AKT3: variants seen among roughly 807,000 people sequenced by gnomAD.
AKT3 encodes the protein AKT serine/threonine kinase 3.
AKT3 carries 15 observed loss-of-function variants against 65.3 expected under a neutral mutation model. The observed-to-expected ratio is 0.23, with a 90% confidence interval of 0.15 to 0.35. The LOEUF (loss-of-function observed/expected upper bound fraction) is 0.35. Among genes scored for constraint, AKT3 ranks in the 10% least tolerant of loss-of-function variants. The pLI, the probability that AKT3 is intolerant of heterozygous loss-of-function variation, is 1.00. For synonymous variants in AKT3, 206 were observed against 183.8 expected (o/e 1.12, Z -0.98); for missense variants, 243 against 576.5 (o/e 0.42, Z 5.92).
chr1:243,831,907 G>C (rs772585820), intron 2 of AKT3, among the ~76,000 whole-genome samples: 3 of 151,432 alleles, frequency 2.0e-5, no homozygotes, highest in Admixed American at 6.6e-5. Flanking sequence ...CAGCAAAAAA[G>C]AAATCTCAGG....
At chr1:243,713,660 C>T (rs943135462) in intron 2 of AKT3, among the ~76,000 whole-genome samples, 4 of 150,444 alleles carry the variant, frequency 2.7e-5, no homozygotes, top group Non-Finnish European at 5.9e-5. Context: ...ATCCTACCCC[C>T]CTAAACAGAC....
intron 8 of AKT3, among the ~76,000 whole-genome samples, chr1:243,605,512 C>T (rs999239961): frequency 7.2e-5 from 11 of 152,184 alleles, no homozygotes; most frequent in African/African-American, 1.7e-4. Context: ...TCTGTAAATA[C>T]ACTCATTGAG....
chr1:243,583,204 A>ACACG (rs1675533070), intron 8 of AKT3, among the ~76,000 whole-genome samples: 2 of 143,220 alleles, frequency 1.4e-5, no homozygotes, highest in Non-Finnish European at 3.0e-5. Flanking sequence ...ATACACACAC[A>ACACG]CACACACACA....
At chr1:243,628,756 A>G (rs967197656) in intron 6 of AKT3, among the ~76,000 whole-genome samples, 2 of 152,260 alleles carry the variant, frequency 1.3e-5, no homozygotes, top group African/African-American at 4.8e-5. Flanking sequence ...GTTCAAAGGT[A>G]ATCAGCCAGC....
rs147939959 is a variant in AKT3 at position 243,682,674 on chromosome 1, T to C, written c.172+12917A>G. On this transcript the variant is annotated intron_variant, in intron 3 of 13. Transcript: ENST00000673466. Reference sequence around the variant, plus strand: ...TTCACTCTATACAGGGATAAGGACATAACATACCATCTGGAGCTTTCATTC... The same window carrying C: ...TTCACTCTATACAGGGATAAGGACACAACATACCATCTGGAGCTTTCATTC... 1.2e-4 allele frequency among the ~76,000 whole-genome samples: 18 copies of C among 152,322 alleles called. 1 individual carries two copies. In the East Asian group the frequency reaches 3.5e-3, roughly 29 times the overall value.
intron 2 of AKT3, among the ~76,000 whole-genome samples, chr1:243,748,889 T>C (rs540563148): frequency 2.6e-5 from 4 of 152,282 alleles, no homozygotes; most frequent in Non-Finnish European, 5.9e-5. Context: ...TGACATCTAG[T>C]GGCAACTCCA....
At position 243,569,635 on chromosome 1, in the gene AKT3, C is replaced by A. The variant is rs554184444; in HGVS notation, c.819+3291G>T. ...AGAAAGTACCTAAATTTATTTGGTG[C>A]TTTCTCATATTAATACTGTAAATGG... On this transcript the variant is annotated intron_variant, in intron 9 of 13. Coordinates refer to ENST00000673466, the MANE Select transcript of AKT3 (RefSeq NM_005465.7). 1.5e-4 allele frequency among the ~76,000 whole-genome samples: 23 copies of A among 152,286 alleles called. 1 individual carries two copies. In the South Asian group the frequency reaches 2.3e-3, roughly 15 times the overall value.
chr1:243,604,568 T>C (rs769142545), intron 8 of AKT3, among the ~76,000 whole-genome samples: 2 of 152,174 alleles, frequency 1.3e-5, no homozygotes, highest in Non-Finnish European at 2.9e-5. Flanking sequence ...AGTGATATAA[T>C]GTATAGTTAT....
chr1:243,654,500 G>A (rs1024965025), intron 4 of AKT3, among the ~76,000 whole-genome samples: 1 of 152,126 alleles, frequency 6.6e-6, no homozygotes, highest in Non-Finnish European at 1.5e-5. Flanking sequence ...GGTGAAGGGA[G>A]TAGAGACAGG....
At chr1:243,819,083 T>G (rs1054907852) in intron 2 of AKT3, among the ~76,000 whole-genome samples, 2 of 152,238 alleles carry the variant, frequency 1.3e-5, no homozygotes, top group African/African-American at 4.8e-5. Context: ...AGCGCAGAGC[T>G]GTGCAGATGT....
chr1:243,518,704 A>C (rs1400619005), intron 12 of AKT3, among the ~76,000 whole-genome samples: 1 of 152,174 alleles, frequency 6.6e-6, no homozygotes. Context: ...TTCAGATTTC[A>C]TTACAAATTT....
chr1:243,535,922 G>A (rs1671894031), intron 12 of AKT3, among the ~76,000 whole-genome samples: 1 of 152,090 alleles, frequency 6.6e-6, no homozygotes, highest in Non-Finnish European at 1.5e-5. Flanking sequence ...CATTCTGATT[G>A]GGGTAAAATG....
In AKT3 at chr1:243,562,144, A is replaced by G. The variant is rs376844776; in HGVS notation, c.948+1576T>C. Among the ~76,000 whole-genome samples, 22 of 152,334 alleles carry G rather than the reference A, an allele frequency of 1.4e-4. No homozygotes were observed. In the East Asian group the frequency reaches 4.2e-3, roughly 29 times the overall value. On this transcript the variant is annotated intron_variant, in intron 10 of 13. Coordinates refer to ENST00000673466, the MANE Select transcript of AKT3 (RefSeq NM_005465.7). ...CCATATAATGGAATATTATCCAGCC[A>G]TAAAAAGGAATGAAATAAGTATAAC... is the stretch of plus-strand genomic sequence containing the variant.
intron 4 of AKT3, among the ~76,000 whole-genome samples, chr1:243,649,367 T>C (rs1217422191): frequency 6.8e-6 from 1 of 147,978 alleles, no homozygotes; most frequent in Non-Finnish European, 1.5e-5. Flanking sequence ...GTATGTTGGG[T>C]GTGTGTGTGT....
chr1:243,846,107 T>C (rs187677985), intron 1 of AKT3, among the ~76,000 whole-genome samples: 13 of 152,322 alleles, frequency 8.5e-5, no homozygotes, highest in Non-Finnish European at 1.6e-4. Context: ...CATACATAGT[T>C]CATGTCCTCA....
At chr1:243,558,958 G>C (rs1283857518) in intron 10 of AKT3, among the ~76,000 whole-genome samples, 2 of 152,052 alleles carry the variant, frequency 1.3e-5, no homozygotes, top group African/African-American at 2.4e-5. Flanking sequence ...TTGGAAAGTG[G>C]ATCAGGTACT....
chr1:243,515,400 A>C (rs999058032), intron 12 of AKT3, among the ~76,000 whole-genome samples: 2 of 152,068 alleles, frequency 1.3e-5, no homozygotes, highest in Non-Finnish European at 2.9e-5. Context: ...AAAAAAAAAA[A>C]AACCCAATTC....
chr1:243,534,714 A>T (rs1671777659), intron 12 of AKT3, among the ~76,000 whole-genome samples: 1 of 152,206 alleles, frequency 6.6e-6, no homozygotes, highest in Non-Finnish European at 1.5e-5. Context: ...AAAGCTCCAA[A>T]ATACCTGTAG....
At chr1:243,510,510 T>G (rs1285726004) in intron 13 of AKT3, among the ~76,000 whole-genome samples, 2 of 152,108 alleles carry the variant, frequency 1.3e-5, no homozygotes, top group African/African-American at 4.8e-5. Flanking sequence ...TCAAAGAAGG[T>G]TCTCTGATGG....
Sources: allele counts gnomAD v4.1 joint callset (sites outside exome capture counted in the v4.1 genomes callset), GRCh38; gene constraint gnomAD v4.1.1; transcripts MANE v1.5; gene names NCBI Gene and HGNC (gene_info 2026-07-23, HGNC 2026-07-21).